IGSF10: variants seen among roughly 807,000 people sequenced by gnomAD.
The protein encoded by IGSF10 is calvaria mechanical force protein 608.
IGSF10 carries 126 observed loss-of-function variants against 128.2 expected under a neutral mutation model. The observed-to-expected ratio is 0.98, with a 90% CI of 0.85 to 1.14. The LOEUF (loss-of-function observed/expected upper bound fraction) is 1.14. Among genes scored for constraint, IGSF10 ranks in the 50% most tolerant of loss-of-function variants. The probability of loss-of-function intolerance (pLI) is 0.00; values close to 1 mark genes in which losing one functional copy is unlikely to be tolerated. For missense variants in IGSF10, 3,295 were observed against 3,149.8 expected (o/e 1.05, Z -1.10); for synonymous variants, 1,185 against 1,146.2 (o/e 1.03, Z -0.68).
At chr3:151,603,294 A>G in the IGSF10 span, among the ~76,000 whole-genome samples, 1 of 152,216 alleles carries the variant, frequency 6.6e-6, no homozygotes, top group African/African-American at 2.4e-5. Flanking sequence ...CTGTGCCTCA[A>G]TGTTTTCATC....
intron 2 of IGSF10, among the ~76,000 whole-genome samples, chr3:151,459,652 A>G (rs546762663): frequency 6.6e-6 from 1 of 152,322 alleles, no homozygotes; most frequent in East Asian, 1.9e-4. Context: ...CCAGGGAAGA[A>G]ATATGCTCAG....
At chr3:151,453,873 G>A (rs1721645235) in intron 4 of IGSF10, 99 bp from the exon 5 acceptor site, 1 of 710,500 alleles carries the variant, frequency 1.4e-6, no homozygotes, top group Non-Finnish European at 2.3e-6. Flanking sequence ...AATTAATTCA[G>A]TGCAATTTAT....
chr3:151,448,743 T>C lies in IGSF10; in HGVS notation c.1238A>G (p.Asp413Gly). 1 of 1,613,684 alleles carries C rather than the reference T, an allele frequency of 6.2e-7. No individual in the cohort carries two copies. Among genetic ancestry groups the C allele is most frequent in the Non-Finnish European group, 8.5e-7 (1 of 1,179,582 alleles). Residue 413 changes from aspartate (D) to glycine (G), a missense_variant, in exon 6 of 8, where the codon GAC becomes GGC. Physicochemically the swap from Asp to Gly is moderately conservative, Grantham distance 94. Transcript: ENST00000282466. ...KYKQVAPKPEDIFTNIEADLR... is the reference protein window; with the variant it reads ...KYKQVAPKPEGIFTNIEADLR... ...ATCTGCCTCTATGTTGGTAAAAATGTCTTCAGGCTTAGGAGCCACCTGTTT... is the reference window on the plus strand; with the variant it reads ...ATCTGCCTCTATGTTGGTAAAAATGCCTTCAGGCTTAGGAGCCACCTGTTT...
At chr3:151,483,694 C>T in the IGSF10 span, among the ~76,000 whole-genome samples, 1 of 152,134 alleles carries the variant, frequency 6.6e-6, no homozygotes, top group Non-Finnish European at 1.5e-5. Context: ...TTGCCTCACC[C>T]AGGAAGCACA....
At chr3:151,598,514 C>T in the IGSF10 span, among the ~76,000 whole-genome samples, 32 of 152,264 alleles carry the variant, frequency 2.1e-4, no homozygotes, top group Admixed American at 9.2e-4. Flanking sequence ...TCCATGGATA[C>T]TCAAGGCTGT....
the IGSF10 span, among the ~76,000 whole-genome samples, chr3:151,606,929 G>A: frequency 6.6e-6 from 1 of 152,226 alleles, no homozygotes; most frequent in Non-Finnish European, 1.5e-5. Context: ...TGACTTTATA[G>A]CACCACTTTT....
the IGSF10 span, among the ~76,000 whole-genome samples, chr3:151,498,597 G>T: frequency 0.48 from 72,620 of 151,860 alleles, 17,761 homozygotes; most frequent in African/African-American, 0.57. Context: ...AAAGGCCTTT[G>T]AAGTGGTATT....
At chr3:151,457,512 C>T (rs1721851516) in intron 3 of IGSF10, among the ~76,000 whole-genome samples, 1 of 152,136 alleles carries the variant, frequency 6.6e-6, no homozygotes, top group Non-Finnish European at 1.5e-5. Context: ...ACACTATCTC[C>T]TCACCACTCC....
chr3:151,520,270 A>C, the IGSF10 span, among the ~76,000 whole-genome samples: 11 of 152,006 alleles, frequency 7.2e-5, no homozygotes, highest in East Asian at 2.1e-3. Context: ...TGCAGAGGTC[A>C]TAACTGTTAA....
chr3:151,494,076 A>G, the IGSF10 span, among the ~76,000 whole-genome samples: 1 of 152,112 alleles, frequency 6.6e-6, no homozygotes, highest in East Asian at 1.9e-4. Context: ...GGAAGAGAAA[A>G]TAAGAAACAT....
chr3:151,594,329 T>TG, the IGSF10 span, among the ~76,000 whole-genome samples: 1 of 148,486 alleles, frequency 6.7e-6, no homozygotes, highest in Non-Finnish European at 1.5e-5. Flanking sequence ...GAATAAAAAC[T>TG]GCTTTTTTTT....
upstream of IGSF10, among the ~76,000 whole-genome samples, chr3:151,463,336 T>A (rs1435400339): frequency 6.6e-6 from 1 of 152,084 alleles, no homozygotes; most frequent in East Asian, 1.9e-4. Context: ...AGAGTATATA[T>A]GTGTCAAAGC....
chr3:151,583,070 G>T, the IGSF10 span, among the ~76,000 whole-genome samples: 1 of 151,918 alleles, frequency 6.6e-6, no homozygotes, highest in East Asian at 1.9e-4. Context: ...CTTCATTCCT[G>T]ATATATGTTG....
At chr3:151,561,401 T>C in the IGSF10 span, among the ~76,000 whole-genome samples, 3 of 152,152 alleles carry the variant, frequency 2.0e-5, no homozygotes, top group African/African-American at 7.2e-5. Flanking sequence ...TTATGAAGAA[T>C]CTAAGAATCC....
In IGSF10 at chr3:151,443,539, C is replaced by G. The variant is rs1280766335; in HGVS notation, c.5408G>C (p.Gly1803Ala). The change falls in exon 7 of 8, where the codon GGA (glycine) becomes GCA (alanine). Residue 1803 changes from glycine to alanine, a missense_variant. By Grantham distance (60) the Gly-to-Ala change is moderately conservative. Coordinates refer to ENST00000282466, the MANE Select transcript of IGSF10 (RefSeq NM_178822.5). ...ACTGAGATTGTGGAGGACCAATGTTCCGTCAACCGTCACCACAGCCTGCCT... is the reference window on the plus strand; with the variant it reads ...ACTGAGATTGTGGAGGACCAATGTTGCGTCAACCGTCACCACAGCCTGCCT... Reference protein sequence around the residue: ...GSRQAVVTVDGTLVLHNLSIY... With the variant: ...GSRQAVVTVDATLVLHNLSIY... 2.1e-5 allele frequency: 34 copies of G among 1,614,088 alleles called. No homozygotes were observed. Among genetic ancestry groups the G allele is most frequent in the Non-Finnish European group, 2.7e-5 (32 of 1,180,048 alleles).
chr3:151,549,588 T>C, the IGSF10 span, among the ~76,000 whole-genome samples: 1 of 152,204 alleles, frequency 6.6e-6, no homozygotes, highest in Non-Finnish European at 1.5e-5. Flanking sequence ...TAGCTTTGCT[T>C]CTGCTAAGTC....
At chr3:151,586,072 C>T in the IGSF10 span, among the ~76,000 whole-genome samples, 10 of 151,834 alleles carry the variant, frequency 6.6e-5, no homozygotes, top group Admixed American at 3.3e-4. Context: ...CTCCACCTCC[C>T]GAGCTCAAGC....
the IGSF10 span, among the ~76,000 whole-genome samples, chr3:151,488,449 T>C: frequency 4.6e-5 from 7 of 152,206 alleles, no homozygotes; most frequent in African/African-American, 1.7e-4. Flanking sequence ...ATTGACTTTC[T>C]TCACAGAATT....
At chr3:151,554,109 C>T in the IGSF10 span, among the ~76,000 whole-genome samples, 1 of 149,692 alleles carries the variant, frequency 6.7e-6, no homozygotes, top group Non-Finnish European at 1.5e-5. Flanking sequence ...TTGCACCACT[C>T]TAGCCTTGGT....
Sources: allele counts gnomAD v4.1 joint callset (sites outside exome capture counted in the v4.1 genomes callset), GRCh38; gene constraint gnomAD v4.1.1; transcripts MANE v1.5; gene names NCBI Gene and HGNC (gene_info 2026-07-23, HGNC 2026-07-21).